TENM2: variants seen among roughly 807,000 people sequenced by gnomAD.
TENM2 encodes the protein teneurin-2.
A neutral mutation model predicts 245.2 loss-of-function variants in TENM2; 52 were observed. The observed-to-expected ratio is 0.21, with a 90% CI of 0.17 to 0.27. The LOEUF (loss-of-function observed/expected upper bound fraction) is 0.27. TENM2 is among the 10% of genes least tolerant of loss of function. The pLI, the probability that TENM2 is intolerant of heterozygous loss-of-function variation, is 1.00. For synonymous variants in TENM2, 1,363 were observed against 1,438.9 expected (o/e 0.95, Z 1.19); for missense variants, 3,046 against 3,666.8 (o/e 0.83, Z 4.37).
intron 2 of TENM2, among the ~76,000 whole-genome samples, chr5:167,485,674 A>C (rs777178541): frequency 6.6e-6 from 1 of 152,080 alleles, no homozygotes; most frequent in Non-Finnish European, 1.5e-5. Context: ...ACAAAACAGC[A>C]ATACTTATGA....
At chr5:167,487,084 T>A (rs1053003338) in intron 2 of TENM2, among the ~76,000 whole-genome samples, 4 of 152,210 alleles carry the variant, frequency 2.6e-5, no homozygotes, top group Admixed American at 6.5e-5. Flanking sequence ...TCTGAAGGCA[T>A]CTTGTTTTAC....
At chr5:167,431,949 GTATATATATATGTATA>G (rs1561950322) in intron 2 of TENM2, among the ~76,000 whole-genome samples, 2 of 53,228 alleles carry the variant, frequency 3.8e-5, no homozygotes, top group Non-Finnish European at 8.9e-5. Context: ...ACATATATAT[GTATATATATATGTATA>G]TATATATATA....
rs200324442 is a variant in TENM2 at position 168,244,725 on chromosome 5, A to G, written c.5817+9A>G. Reference sequence around the variant, plus strand: ...ACTCCTACCTTGACAAGGTAGGTGAACATGCTGCCCTGACAGCAAGGGCTT... The same window carrying G: ...ACTCCTACCTTGACAAGGTAGGTGAGCATGCTGCCCTGACAGCAAGGGCTT... On this transcript the variant is annotated intron_variant, in intron 26 of 28. Transcript: ENST00000518659. The surrounding 1 kb of genome is among the most constrained non-coding windows in gnomAD (Gnocchi z 4.9). The G allele has an allele frequency of 2.8e-6, 4 of 1,431,448 alleles. No homozygotes were observed. The highest frequency in any genetic ancestry group is 3.7e-6 in the Non-Finnish European group (4 of 1,082,798). The allele number at this position is 1,431,448 out of a possible 1,614,324, so 88.7% of individuals were successfully genotyped here.
rs1225922111 is a variant in TENM2 at position 167,698,679 on chromosome 5, G to GTTTTTTTTTTTTTTT, written c.503-177299_503-177285dup. On this transcript the variant is annotated intron_variant, in intron 2 of 28. Transcript: ENST00000518659. ...GTGTGTGTGTTTTGTTTTGTTTTTT[G>GTTTTTTTTTTTTTTT]TTTTTTTTTTTTTTTTTTTTTTGAG... 5.5e-4 allele frequency among the ~76,000 whole-genome samples: 54 copies of GTTTTTTTTTTTTTTT among 97,744 alleles called. 1 individual carries two copies. Among genetic ancestry groups the GTTTTTTTTTTTTTTT allele is most frequent in the African/African-American group, 2.0e-3 (47 of 23,744 alleles). 64.1% of individuals were successfully genotyped at this position (97,744 alleles called of 152,430 possible). A position where few individuals can be genotyped will look rare whatever the true frequency, so the allele number is the denominator to read the frequency against.
chr5:167,043,660 TG>T, the TENM2 span, among the ~76,000 whole-genome samples: 2 of 152,152 alleles, frequency 1.3e-5, no homozygotes, highest in African/African-American at 4.8e-5. Flanking sequence ...ATATTGGCAG[TG>T]GGAAGACAGT....
chr5:167,609,519 C>CAAAAAAAAAAAA (rs1171421408), intron 2 of TENM2, among the ~76,000 whole-genome samples: 1 of 128,952 alleles, frequency 7.8e-6, no homozygotes, highest in African/African-American at 3.1e-5. Flanking sequence ...AAAACAAAAC[C>CAAAAAAAAAAAA]TTACCTAGAA....
At chr5:167,976,172 T>C (rs923467117) in intron 4 of TENM2, among the ~76,000 whole-genome samples, 8 of 152,152 alleles carry the variant, frequency 5.3e-5, no homozygotes, top group Admixed American at 6.5e-5. Context: ...ACCCAGCAAA[T>C]GCATCTTGAG....
intron 9 of TENM2, among the ~76,000 whole-genome samples, chr5:168,111,082 A>G (rs1794636251): frequency 1.3e-5 from 2 of 152,132 alleles, no homozygotes; most frequent in South Asian, 2.1e-4. Flanking sequence ...CACTTAACTA[A>G]AGCAATTAAA....
At chr5:167,574,263 A>G (rs1451953563) in intron 2 of TENM2, among the ~76,000 whole-genome samples, 1 of 152,210 alleles carries the variant, frequency 6.6e-6, no homozygotes, top group Non-Finnish European at 1.5e-5. Context: ...GTTTTATTTA[A>G]GGAGAGAGAT....
At chr5:167,677,927 A>G (rs1374591352) in intron 2 of TENM2, among the ~76,000 whole-genome samples, 4 of 151,856 alleles carry the variant, frequency 2.6e-5, no homozygotes, top group African/African-American at 4.8e-5. Flanking sequence ...AAGTTAATCA[A>G]TAGGCAATTG....
At chr5:166,999,159 A>G in the TENM2 span, among the ~76,000 whole-genome samples, 4 of 152,148 alleles carry the variant, frequency 2.6e-5, no homozygotes, top group Admixed American at 6.5e-5. Context: ...CAATTAGTGG[A>G]CTCACAGTTT....
chr5:167,973,827 A>C (rs1227457658), intron 4 of TENM2, among the ~76,000 whole-genome samples: 1 of 152,088 alleles, frequency 6.6e-6, no homozygotes, highest in Admixed American at 6.6e-5. Context: ...GGGTGCAGTC[A>C]AGCACTCTAA....
intron 2 of TENM2, among the ~76,000 whole-genome samples, chr5:167,499,607 A>G (rs1176739096): frequency 1.3e-5 from 2 of 152,180 alleles, no homozygotes; most frequent in African/African-American, 4.8e-5. Flanking sequence ...TAAAATTCCC[A>G]TGGAAGAAGA....
At chr5:167,843,748 A>G (rs1769766394) in intron 2 of TENM2, among the ~76,000 whole-genome samples, 1 of 151,396 alleles carries the variant, frequency 6.6e-6, no homozygotes, top group South Asian at 2.1e-4. Flanking sequence ...TTTTCCATGA[A>G]TATAATAATA....
chr5:167,239,586 C>G, the TENM2 span, among the ~76,000 whole-genome samples: 1 of 152,134 alleles, frequency 6.6e-6, no homozygotes. Flanking sequence ...CAACGAGGTA[C>G]CTTTTACTAG....
chr5:167,097,839 C>T, the TENM2 span, among the ~76,000 whole-genome samples: 41 of 152,254 alleles, frequency 2.7e-4, 1 homozygote, highest in South Asian at 7.9e-3. Context: ...GAGCCTAGCA[C>T]GTGATAAGTA....
chr5:167,385,856 ATGTGTGTGTGTG>A (rs60407919), intron 2 of TENM2, among the ~76,000 whole-genome samples: 35 of 139,146 alleles, frequency 2.5e-4, no homozygotes, highest in African/African-American at 5.7e-4. Context: ...TTATATATAT[ATGTGTGTGTGTG>A]TGTGTGTGTG....
chr5:167,777,455 C>T (rs548324067), intron 2 of TENM2, among the ~76,000 whole-genome samples: 1 of 152,230 alleles, frequency 6.6e-6, no homozygotes, highest in East Asian at 1.9e-4. Flanking sequence ...TAGCACTGTG[C>T]TATTTGATCC....
intron 2 of TENM2, among the ~76,000 whole-genome samples, chr5:167,758,232 G>A (rs1762435929): frequency 6.6e-6 from 1 of 152,128 alleles, no homozygotes; most frequent in Non-Finnish European, 1.5e-5. Flanking sequence ...CAGTTCCCAG[G>A]GAGGCTGAGA....
Sources: allele counts gnomAD v4.1 joint callset (sites outside exome capture counted in the v4.1 genomes callset), GRCh38; gene constraint gnomAD v4.1.1; non-coding constraint Gnocchi (gnomAD v3.1); transcripts MANE v1.5; gene names NCBI Gene and HGNC (gene_info 2026-07-23, HGNC 2026-07-21).